DPP6: variants seen among roughly 807,000 people sequenced by gnomAD.
DPP6 encodes A-type potassium channel modulatory protein DPP6.
A neutral mutation model predicts 122.6 loss-of-function variants in DPP6; 69 were observed. That is an observed-to-expected ratio of 0.56 (90% CI 0.46 to 0.69). The LOEUF is 0.69. Among genes scored for constraint, DPP6 ranks in the 30% least tolerant of loss-of-function variants. DPP6 has a pLI of 0.00. For missense variants in DPP6, 928 were observed against 1,116.9 expected, an observed-to-expected ratio of 0.83 and a Z score of 2.41; for synonymous variants, 418 against 433.1, an observed-to-expected ratio of 0.97 and a Z score of 0.43.
chr7:154,092,113 G>A (rs1164835935), intron 1 of DPP6: 1 of 152,068 alleles, frequency 6.6e-6, no homozygotes, highest in Non-Finnish European at 1.5e-5. Context: ...TATTGTATCT[G>A]TTTATTTAGG....
chr7:154,671,779 C>T, intron 7 of DPP6, among the ~76,000 whole-genome samples: 1 of 152,104 alleles, frequency 6.6e-6, no homozygotes, highest in Non-Finnish European at 1.5e-5. Flanking sequence ...TCTTGTTTAA[C>T]CTCTTACAGA....
At chr7:154,164,378 C>T (rs1797136756) in intron 1 of DPP6, among the ~76,000 whole-genome samples, 1 of 152,068 alleles carries the variant, frequency 6.6e-6, no homozygotes, top group East Asian at 1.9e-4. Flanking sequence ...GTGCGATTAT[C>T]TCCACCAACC....
chr7:154,495,129 T>C (rs1395880414), intron 3 of DPP6, among the ~76,000 whole-genome samples: 1 of 152,006 alleles, frequency 6.6e-6, no homozygotes, highest in African/African-American at 2.4e-5. Context: ...AGGAAAAGAG[T>C]TGTGGCATAT....
chr7:154,010,893 A>G lies in DPP6; in HGVS notation c.51+123159A>G, dbSNP rs377349472. Among the ~76,000 whole-genome samples, 6 of 152,264 alleles carry G rather than the reference A, an allele frequency of 3.9e-5. No individual in the cohort carries two copies. In the East Asian group the frequency reaches 1.2e-3, roughly 29 times the overall value. On this transcript the variant is annotated intron_variant, in intron 1 of 25. Coordinates refer to the DPP6 transcript ENST00000404039. ...TGAAGAATGGTATTTGGTTTTGTTTATTTGGCATTTCAAATACTGGTTCAT... is the reference window on the plus strand; with the variant it reads ...TGAAGAATGGTATTTGGTTTTGTTTGTTTGGCATTTCAAATACTGGTTCAT...
chr7:154,697,357 TC>T (rs1840278774), intron 7 of DPP6, among the ~76,000 whole-genome samples: 3 of 152,126 alleles, frequency 2.0e-5, no homozygotes, highest in African/African-American at 7.2e-5. Flanking sequence ...CCTGCGAGGC[TC>T]CTCTCAGGCC....
intron 7 of DPP6, among the ~76,000 whole-genome samples, chr7:154,709,538 G>C (rs1427174690): frequency 2.0e-5 from 3 of 151,390 alleles, no homozygotes; most frequent in African/African-American, 7.3e-5. Context: ...ATTTTAAGGT[G>C]GTATTTTGTA....
In DPP6 at chr7:154,063,350, C is replaced by G. The variant is rs1485943706; in HGVS notation, c.243+10287C>G. Among the ~76,000 whole-genome samples, 46 of 131,212 alleles carry G rather than the reference C, an allele frequency of 3.5e-4. 9 individuals are homozygous for G. The highest frequency in any genetic ancestry group is 3.4e-3 in the Admixed American group (43 of 12,738). 86.1% of individuals were successfully genotyped at this position (131,212 alleles called of 152,430 possible). On this transcript the variant is annotated intron_variant, in intron 1 of 25. Transcript: ENST00000377770. ...CTTCTCCCTCTGGCTCTTAGGAACC[C>G]CATTGCAGGAGGGTGTGGCACCCCC...
rs1820875673 is a variant in DPP6, at chr7:154,456,871, A to G, written c.358+10543A>G. Reference sequence around the variant, plus strand: ...ACAATCATGTCGTCTGCAAACAGGGACAATTTGACTTCCTCTTTTCCTAAT... The same window carrying G: ...ACAATCATGTCGTCTGCAAACAGGGGCAATTTGACTTCCTCTTTTCCTAAT... On this transcript the variant is annotated intron_variant, in intron 2 of 25. Transcript: ENST00000377770. Among the ~76,000 whole-genome samples the G allele has an allele frequency of 3.1e-5, 2 of 64,478 alleles. 1 individual carries two copies. The highest frequency in any genetic ancestry group is 4.2e-4 in the Admixed American group (2 of 4,806). 42.3% of individuals were successfully genotyped at this position (64,478 alleles called of 152,430 possible).
chr7:153,947,344 G>A (rs960824090), intron 1 of DPP6, among the ~76,000 whole-genome samples: 3 of 152,156 alleles, frequency 2.0e-5, no homozygotes, highest in African/African-American at 7.2e-5. Flanking sequence ...AGGGCTGCGA[G>A]GGAGGGTCTG....
At position 154,894,239 on chromosome 7, in the gene DPP6, G is replaced by A. The variant is rs779677021; in HGVS notation, c.*1759G>A. ...TCTGGTCGGAGGGAAGTGGGGATGT[G>A]GCATGGTAGCGTCTGTTCATCCATG... On this transcript the variant is annotated 3_prime_UTR_variant, in exon 26 of 26. Coordinates refer to ENST00000377770, the MANE Select transcript of DPP6 (RefSeq NM_130797.4). 2 of 152,238 alleles carry A rather than the reference G, an allele frequency of 1.3e-5. No homozygotes were observed. Among genetic ancestry groups the A allele is most frequent in the Non-Finnish European group, 2.9e-5 (2 of 68,054 alleles). The allele number at this position is 152,238 out of a possible 1,614,324, so 9.4% of individuals were successfully genotyped here.
At chr7:154,597,276 G>A (rs773324779) in intron 5 of DPP6, among the ~76,000 whole-genome samples, 6 of 151,926 alleles carry the variant, frequency 3.9e-5, no homozygotes, top group Non-Finnish European at 7.4e-5. Context: ...ATTGTGGGTT[G>A]GTGTCTCCTG....
chr7:154,702,762 G>A (rs1020410251), intron 7 of DPP6, among the ~76,000 whole-genome samples: 1 of 152,258 alleles, frequency 6.6e-6, no homozygotes, highest in African/African-American at 2.4e-5. Context: ...TGATGGAGAA[G>A]CTGCAGTAAG....
chr7:154,867,818 C>A (rs190827318), intron 17 of DPP6, among the ~76,000 whole-genome samples, 177 bp from the exon 18 acceptor site: 1 of 152,058 alleles, frequency 6.6e-6, no homozygotes, highest in East Asian at 1.9e-4. Context: ...GGCTTTTGAG[C>A]GCATAACTTG....
chr7:154,246,230 G>C (rs114964581), intron 1 of DPP6, among the ~76,000 whole-genome samples: 1,544 of 152,034 alleles, frequency 0.01, 24 homozygotes, highest in African/African-American at 0.035. Context: ...AAGGCTTTCT[G>C]GATACAGCTA....
intron 1 of DPP6, among the ~76,000 whole-genome samples, chr7:154,101,731 A>G (rs1379325083): frequency 3.3e-5 from 5 of 151,570 alleles, no homozygotes; most frequent in East Asian, 3.9e-4. Flanking sequence ...AGTTGTAGAC[A>G]AGCCTGGTCA....
chr7:154,543,784 A>G (rs534162766), intron 4 of DPP6, among the ~76,000 whole-genome samples: 2 of 152,102 alleles, frequency 1.3e-5, no homozygotes, highest in Non-Finnish European at 2.9e-5. Flanking sequence ...ACTTGAAGTC[A>G]GGAGTTCGAG....
chr7:154,342,456 A>T (rs1810014759), intron 1 of DPP6, among the ~76,000 whole-genome samples: 1 of 152,254 alleles, frequency 6.6e-6, no homozygotes, highest in African/African-American at 2.4e-5. Flanking sequence ...CAAAGTAATC[A>T]GGTTGCAGAA....
At position 153,997,420 on chromosome 7, in the gene DPP6, G is replaced by A. The variant is rs183870827; in HGVS notation, c.51+109686G>A. ...TTCAGCCACATCTTGTTTATCTGGTGAACGAGTAAATAACACACAGTTTCT... is the reference window on the plus strand; with the variant it reads ...TTCAGCCACATCTTGTTTATCTGGTAAACGAGTAAATAACACACAGTTTCT... On this transcript the variant is annotated intron_variant, in intron 1 of 25. Transcript: ENST00000404039. 8.5e-5 allele frequency among the ~76,000 whole-genome samples: 13 copies of A among 152,104 alleles called. No individual in the cohort carries two copies. In the East Asian group the frequency reaches 2.3e-3, roughly 27 times the overall value.
intron 1 of DPP6, among the ~76,000 whole-genome samples, chr7:154,397,851 G>A (rs1230865998): frequency 6.6e-6 from 1 of 152,166 alleles, no homozygotes; most frequent in African/African-American, 2.4e-5. Context: ...CAGCAAAGGT[G>A]TCTTCTCTAA....
Sources: gnomAD v4.1 joint callset for allele counts (sites outside exome capture counted in the v4.1 genomes callset) on GRCh38, gnomAD v4.1.1 for gene constraint, MANE v1.5 for transcripts, NCBI Gene and HGNC (gene_info 2026-07-23, HGNC 2026-07-21) for gene names.